Variants in LGSN observed in about 807,000 individuals in gnomAD.
The protein encoded by LGSN is lengsin.
A neutral mutation model predicts 19.5 loss-of-function variants in LGSN; 21 were observed. The ratio of observed to expected loss-of-function variants is 1.07; its 90% confidence interval spans 0.76 to 1.55. The LOEUF is 1.55. Among genes scored for constraint, LGSN ranks in the 40% most tolerant of loss-of-function variants. LGSN has a pLI of 0.00. For synonymous variants in LGSN, 257 were observed against 215.6 expected (o/e 1.19, Z -1.68); for missense variants, 673 against 608.5 (o/e 1.11, Z -1.12).
chr6:63,498,446 A>C, the LGSN span, among the ~76,000 whole-genome samples: 3 of 152,070 alleles, frequency 2.0e-5, no homozygotes, highest in Non-Finnish European at 4.4e-5. Context: ...CACTCATGCC[A>C]GGAGCTTATC....
the LGSN span, among the ~76,000 whole-genome samples, chr6:63,367,194 G>T: frequency 6.6e-6 from 1 of 152,158 alleles, no homozygotes; most frequent in Non-Finnish European, 1.5e-5. Context: ...CTACTCATCT[G>T]ACAAAGGGCT....
chr6:63,542,709 G>A, the LGSN span, among the ~76,000 whole-genome samples: 4 of 152,038 alleles, frequency 2.6e-5, no homozygotes, highest in Admixed American at 6.6e-5. Flanking sequence ...TTCCTTCACC[G>A]ACTGCTTTTT....
rs753333091 is a variant in LGSN at position 63,319,875 on chromosome 6, A to G, written c.30+39T>C. 4.8e-6 allele frequency: 7 copies of G among 1,461,594 alleles called. No individual in the cohort carries two copies. In the Admixed American group the frequency reaches 1.2e-4, roughly 25 times the overall value. The allele number at this position is 1,461,594 out of a possible 1,614,324, so 90.5% of individuals were successfully genotyped here. On this transcript the variant is annotated intron_variant, in intron 1 of 3. Coordinates refer to ENST00000370657, the MANE Select transcript of LGSN (RefSeq NM_016571.3). ...CATTTTTTAAAAAGATTTACTGTCAATATTTTGGTTAAAAACATTTTAATG... is the reference window on the plus strand; with the variant it reads ...CATTTTTTAAAAAGATTTACTGTCAGTATTTTGGTTAAAAACATTTTAATG...
At chr6:63,436,772 A>C in the LGSN span, among the ~76,000 whole-genome samples, 27 of 152,320 alleles carry the variant, frequency 1.8e-4, no homozygotes, top group East Asian at 4.1e-3. Context: ...AGAGTGGCTC[A>C]TGCCTGTAAT....
chr6:63,431,962 G>A, the LGSN span, among the ~76,000 whole-genome samples: 1 of 151,640 alleles, frequency 6.6e-6, no homozygotes, highest in African/African-American at 2.4e-5. Flanking sequence ...TATGGTCCCA[G>A]CTACTCGGGA....
the LGSN span, among the ~76,000 whole-genome samples, chr6:63,398,092 A>T: frequency 6.6e-6 from 1 of 151,972 alleles, no homozygotes; most frequent in Non-Finnish European, 1.5e-5. Context: ...AGTCATATAA[A>T]AGTATAGTAT....
the LGSN span, among the ~76,000 whole-genome samples, chr6:63,358,503 G>T: frequency 0.13 from 19,526 of 151,404 alleles, 2,778 homozygotes; most frequent in African/African-American, 0.35. Flanking sequence ...CCTCTTTTAT[G>T]TCATTGAGCA....
At chr6:63,456,394 C>CT in the LGSN span, among the ~76,000 whole-genome samples, 4,764 of 62,052 alleles carry the variant, frequency 0.077, 737 homozygotes, top group African/African-American at 0.29. Context: ...TATATATATA[C>CT]TTTTTTTTTT....
At chr6:63,560,572 G>A in the LGSN span, among the ~76,000 whole-genome samples, 3 of 151,782 alleles carry the variant, frequency 2.0e-5, no homozygotes, top group African/African-American at 7.2e-5. Flanking sequence ...ACTAATCTGT[G>A]TATTTTTTTT....
intron 1 of LGSN, among the ~76,000 whole-genome samples, chr6:63,317,946 G>T (rs1196516486): frequency 1.3e-5 from 2 of 152,054 alleles, no homozygotes; most frequent in African/African-American, 2.4e-5. Flanking sequence ...CCACACACAA[G>T]GTTCTTGATA....
At chr6:63,323,559 T>TACACACACACACACACAC (rs58400159), upstream of LGSN, among the ~76,000 whole-genome samples, 4 of 132,762 alleles carry the variant, frequency 3.0e-5, no homozygotes, top group Non-Finnish European at 4.8e-5. Context: ...AAACCTCATA[T>TACACACACACACACACAC]ACACACACAC....
chr6:63,368,095 TAAAAAAGAAAAAAAGAAGCCAGA>T, the LGSN span, among the ~76,000 whole-genome samples: 3 of 137,192 alleles, frequency 2.2e-5, no homozygotes, highest in African/African-American at 8.4e-5. Flanking sequence ...TATAAAAAAA[TAAAAAAGAAAAAAAGAAGCCAGA>T]AAAAAAGAAA....
At chr6:63,305,817 T>C (rs1261769417) in intron 1 of LGSN, among the ~76,000 whole-genome samples, 1 of 152,072 alleles carries the variant, frequency 6.6e-6, no homozygotes, top group African/African-American at 2.4e-5. Context: ...TCCCAGAACT[T>C]TGGGAGGCTG....
chr6:63,521,844 T>G, the LGSN span: 1 of 152,240 alleles, frequency 6.6e-6, no homozygotes, highest in Non-Finnish European at 1.5e-5. Context: ...TAACTTAATC[T>G]ACTTGTATAT....
At chr6:63,525,296 G>A in the LGSN span, among the ~76,000 whole-genome samples, 15 of 152,274 alleles carry the variant, frequency 9.9e-5, no homozygotes, top group South Asian at 2.1e-4. Flanking sequence ...TGCTGAAGCC[G>A]GTTGTGGGTA....
the LGSN span, among the ~76,000 whole-genome samples, chr6:63,435,166 G>T: frequency 6.6e-6 from 1 of 152,196 alleles, no homozygotes; most frequent in East Asian, 1.9e-4. Flanking sequence ...GATACAAGAA[G>T]ATAAGTGTGG....
At chr6:63,365,193 G>A in the LGSN span, among the ~76,000 whole-genome samples, 1 of 152,006 alleles carries the variant, frequency 6.6e-6, no homozygotes, top group Non-Finnish European at 1.5e-5. Flanking sequence ...CCACTAGCAA[G>A]ACTAATAAAG....
chr6:63,381,535 T>G, the LGSN span, among the ~76,000 whole-genome samples: 1 of 152,232 alleles, frequency 6.6e-6, no homozygotes, highest in Admixed American at 6.5e-5. Context: ...AGCATTTCCT[T>G]CATAAAAATT....
chr6:63,422,601 G>C, the LGSN span, among the ~76,000 whole-genome samples: 1 of 152,030 alleles, frequency 6.6e-6, no homozygotes, highest in African/African-American at 2.4e-5. Context: ...GACATTAGTA[G>C]ACTGAGATAA....
Sources: gnomAD v4.1 joint callset for allele counts (sites outside exome capture counted in the v4.1 genomes callset) on GRCh38, gnomAD v4.1.1 for gene constraint, MANE v1.5 for transcripts, NCBI Gene and HGNC (gene_info 2026-07-23, HGNC 2026-07-21) for gene names.